Variants in PLXNA4 observed in about 807,000 individuals in gnomAD.
PLXNA4 encodes the protein plexin A4.
Under a neutral mutation model 191.8 loss-of-function variants are expected in PLXNA4, and 44 were observed. The observed-to-expected ratio is 0.23, with a 90% confidence interval of 0.18 to 0.29. PLXNA4 has a LOEUF of 0.29. Ranked by LOEUF, PLXNA4 falls within the 10% of genes least tolerant of loss-of-function variation. The pLI is 1.00. For synonymous variants in PLXNA4, 1,082 were observed against 1,009.5 expected, an observed-to-expected ratio of 1.07 and a Z score of -1.36; for missense variants, 1,800 against 2,488.8, an observed-to-expected ratio of 0.72 and a Z score of 5.89.
upstream of PLXNA4, among the ~76,000 whole-genome samples, chr7:132,579,522 CCT>C (rs1802362369): frequency 7.0e-6 from 1 of 142,364 alleles, no homozygotes; most frequent in Admixed American, 6.9e-5. Flanking sequence ...AAGTCAAAGA[CCT>C]TTTTTTTTTT....
intron 2 of PLXNA4, among the ~76,000 whole-genome samples, chr7:132,626,589 T>C (rs770988065): frequency 1.1e-4 from 16 of 152,206 alleles, no homozygotes; most frequent in Non-Finnish European, 1.9e-4. Flanking sequence ...TTGCTCCTGC[T>C]CCGGCCATGT....
In PLXNA4 at chr7:132,145,184, C is replaced by T. The variant is rs1393023017; in HGVS notation, c.5160G>A (p.Leu1720=). ...TGCCATGTTTATCAGCCTGCTCATC[C>T]AGGAAGTCAAACATGTACTTGATGG... The part of the protein sequence containing the change: ...PLAIKYMFDF[L]DEQADKHGIH... The change falls in exon 29 of 32, where the codon CTG becomes CTA. Residue 1720 remains leucine, a synonymous_variant. Coordinates refer to ENST00000321063, the MANE Select transcript of PLXNA4 (RefSeq NM_020911.2). 3 of 1,614,078 alleles carry T rather than the reference C, an allele frequency of 1.9e-6. No individual in the cohort carries two copies. The highest frequency in any genetic ancestry group is 1.7e-5 in the Admixed American group (1 of 60,006).
chr7:132,241,170 G>A lies in PLXNA4; in HGVS notation c.1504-4C>T. The A allele has an allele frequency of 1.2e-6, 2 of 1,608,504 alleles. No homozygotes were observed. Among genetic ancestry groups the A allele is most frequent in the Non-Finnish European group, 1.7e-6 (2 of 1,176,056 alleles). Reference sequence around the variant, plus strand: ...ACTCCACAGGGACTCTGGTGAGCTAGGACAGCAGGATAGGGAGAAGGTGGT... The same window carrying A: ...ACTCCACAGGGACTCTGGTGAGCTAAGACAGCAGGATAGGGAGAAGGTGGT... On this transcript the variant is annotated splice_polypyrimidine_tract_variant and splice_region_variant and intron_variant, in intron 4 of 31. Transcript: ENST00000321063.
chr7:132,274,079 G>A (rs1420588902), intron 4 of PLXNA4, among the ~76,000 whole-genome samples: 1 of 151,908 alleles, frequency 6.6e-6, no homozygotes, highest in African/African-American at 2.4e-5. Flanking sequence ...ATACAAAAGA[G>A]TATGTATTGT....
At chr7:132,321,200 C>T (rs1368127117) in intron 3 of PLXNA4, among the ~76,000 whole-genome samples, 1 of 152,116 alleles carries the variant, frequency 6.6e-6, no homozygotes, top group African/African-American at 2.4e-5. Context: ...TTTCTCCTGA[C>T]AAAGAGAAGA....
chr7:132,156,702 C>T (rs1795809704), intron 25 of PLXNA4, among the ~76,000 whole-genome samples: 1 of 152,234 alleles, frequency 6.6e-6, no homozygotes, highest in East Asian at 1.9e-4. Flanking sequence ...AATAGTCACA[C>T]CTTACATTTG....
At chr7:132,446,171 T>C (rs1350517574) in intron 3 of PLXNA4, among the ~76,000 whole-genome samples, 1 of 152,230 alleles carries the variant, frequency 6.6e-6, no homozygotes, top group Admixed American at 6.5e-5. Context: ...TTTACCGTTG[T>C]TGATGGTTAA....
At chr7:132,597,580 C>T (rs369521995) in intron 2 of PLXNA4, among the ~76,000 whole-genome samples, 13 of 9,692 alleles carry the variant, frequency 1.3e-3, no homozygotes, top group African/African-American at 1.9e-3. Context: ...TCCTTTTATT[C>T]ATTCATTCAT....
At chr7:132,576,703 G>A (rs969733558), upstream of PLXNA4, 3 of 623,230 alleles carry the variant, frequency 4.8e-6, no homozygotes, top group Non-Finnish European at 4.0e-6. The surrounding 1 kb of genome is among the most constrained non-coding windows in gnomAD (Gnocchi z 5.8). Context: ...CGGAAAATGG[G>A]GATCGATTCC....
At chr7:132,594,966 AT>A (rs1413272273) in intron 2 of PLXNA4, among the ~76,000 whole-genome samples, 1 of 133,474 alleles carries the variant, frequency 7.5e-6, no homozygotes, top group East Asian at 2.2e-4. Context: ...TAGATAGATA[AT>A]TGATAGATAA....
At position 132,201,873 on chromosome 7, in the gene PLXNA4, A is replaced by C. The variant is rs534187457; in HGVS notation, c.2586+773T>G. Among the ~76,000 whole-genome samples the C allele has an allele frequency of 2.4e-4, 37 of 152,268 alleles. No homozygotes were observed. In the South Asian group the frequency reaches 2.5e-3, roughly 10 times the overall value. ...ATTTTACCAATGATGATGAGTGAGG[A>C]GGCTGGTGAGATCCCCATGAGCTGG... On this transcript the variant is annotated intron_variant, in intron 12 of 31. Coordinates refer to ENST00000321063, the MANE Select transcript of PLXNA4 (RefSeq NM_020911.2).
intron 3 of PLXNA4, among the ~76,000 whole-genome samples, chr7:132,343,107 T>C (rs1271594378): frequency 7.2e-6 from 1 of 138,448 alleles, no homozygotes; most frequent in African/African-American, 3.0e-5. Flanking sequence ...ACAGTTAAGA[T>C]TTTTTTTTTT....
chr7:132,385,365 CCCT>C (rs750308403), intron 3 of PLXNA4: 257 of 1,509,990 alleles, frequency 1.7e-4, no homozygotes, highest in Non-Finnish European at 2.2e-4. Context: ...CTCCTTATTC[CCCT>C]CCTCCTTTCT....
chr7:132,178,354 C>T (rs956386413), intron 20 of PLXNA4, among the ~76,000 whole-genome samples: 2 of 152,158 alleles, frequency 1.3e-5, no homozygotes, highest in African/African-American at 4.8e-5. Flanking sequence ...GAGCTCCCCT[C>T]GGCTGCCCCC....
upstream of PLXNA4, chr7:132,576,492 G>T (rs1439150554): frequency 1.0e-6 from 1 of 985,502 alleles, no homozygotes; most frequent in Non-Finnish European, 1.2e-6. This position sits in a 1 kb window ranked among gnomAD's most constrained non-coding sequence, Gnocchi z 5.8. Context: ...CTATGCCGCT[G>T]CCTCTCGCCC....
At chr7:132,408,847 T>C (rs1794334295) in intron 3 of PLXNA4, among the ~76,000 whole-genome samples, 1 of 151,324 alleles carries the variant, frequency 6.6e-6, no homozygotes, top group African/African-American at 2.4e-5. Flanking sequence ...GTGCCCTCTC[T>C]GCCTGCCTCC....
intron 1 of PLXNA4, among the ~76,000 whole-genome samples, chr7:132,523,301 C>T (rs911102658): frequency 6.6e-6 from 1 of 152,166 alleles, no homozygotes; most frequent in Non-Finnish European, 1.5e-5. Context: ...TCAGAGAGAC[C>T]AACCCTGGCT....
chr7:132,491,422 G>T (rs1797794132), intron 2 of PLXNA4, among the ~76,000 whole-genome samples: 1 of 152,160 alleles, frequency 6.6e-6, no homozygotes, highest in African/African-American at 2.4e-5. Flanking sequence ...TCCAGAGAAG[G>T]TGACCTGCTC....
intron 3 of PLXNA4, among the ~76,000 whole-genome samples, chr7:132,473,304 T>C (rs562619126): frequency 2.0e-5 from 3 of 152,276 alleles, no homozygotes. Flanking sequence ...CCCTGCAGTT[T>C]CTTAGTGTGT....
Sources: allele counts gnomAD v4.1 joint callset (sites outside exome capture counted in the v4.1 genomes callset), GRCh38; gene constraint gnomAD v4.1.1; non-coding constraint Gnocchi (gnomAD v3.1); transcripts MANE v1.5; gene names NCBI Gene and HGNC (gene_info 2026-07-23, HGNC 2026-07-21).